Variants in RAD52 observed in about 807,000 individuals in gnomAD.
RAD52 encodes the protein RAD52 DNA repair protein, also known as DNA repair protein RAD52 homolog.
Under a neutral mutation model 55.5 loss-of-function variants are expected in RAD52, and 47 were observed. The ratio of observed to expected loss-of-function variants is 0.85; its 90% CI spans 0.67 to 1.08. The LOEUF is 1.08. Among genes scored for constraint, RAD52 ranks in the 50% least tolerant of loss-of-function variants. The probability of loss-of-function intolerance (pLI) is 0.00; values close to 1 mark genes in which losing one functional copy is unlikely to be tolerated. For missense variants in RAD52, 468 were observed against 522.8 expected, an observed-to-expected ratio of 0.90 and a Z score of 1.02; for synonymous variants, 184 against 198.9, an observed-to-expected ratio of 0.92 and a Z score of 0.63.
intron 1 of RAD52, among the ~76,000 whole-genome samples, chr12:978,901 G>T (rs1285693618): frequency 1.3e-5 from 2 of 151,518 alleles, no homozygotes; most frequent in Non-Finnish European, 2.9e-5. Context: ...TAGATAGATA[G>T]ATAGATAGAT....
intron 1 of RAD52, among the ~76,000 whole-genome samples, chr12:935,121 A>G (rs1173380844): frequency 6.6e-6 from 1 of 151,160 alleles, no homozygotes; most frequent in Non-Finnish European, 1.5e-5. Context: ...TCTCAAAAAT[A>G]ATAATAATAA....
intron 9 of RAD52, among the ~76,000 whole-genome samples, chr12:915,027 G>A (rs1044600269): frequency 6.6e-6 from 1 of 152,194 alleles, no homozygotes. Flanking sequence ...CAGCCACTCA[G>A]GAGGCTGAGG....
In RAD52 at chr12:913,306, A is replaced by T; in HGVS notation, c.*85T>A. On this transcript the variant is annotated 3_prime_UTR_variant, in exon 12 of 12. Coordinates refer to ENST00000358495, the MANE Select transcript of RAD52 (RefSeq NM_134424.4). ...TAAATCGCAATGACGTTCATTCTCC[A>T]GCAGCGATGAACAATTTCATGACCA... 1 of 995,776 alleles carries T rather than the reference A, an allele frequency of 1.0e-6. No individual in the cohort carries two copies. The highest frequency in any genetic ancestry group is 1.6e-6 in the Non-Finnish European group (1 of 643,696). The allele number at this position is 995,776 out of a possible 1,614,324, so 61.7% of individuals were successfully genotyped here.
Position 920,216 on chromosome 12 carries a change from C to CA in RAD52, c.544-3397dup, listed in dbSNP as rs780558984. Among the ~76,000 whole-genome samples, 382 of 68,744 alleles carry CA rather than the reference C, an allele frequency of 5.6e-3. 53 individuals are homozygous for CA. The highest frequency in any genetic ancestry group is 7.1e-3 in the Non-Finnish European group (243 of 34,182). The allele number at this position is 68,744 out of a possible 152,430, so 45.1% of individuals were successfully genotyped here. A position where few individuals can be genotyped will look rare whatever the true frequency, so the allele number is the denominator to read the frequency against. ...TGGGCGGCAGAGCAAGACTCCGTCT[C>CA]AAAAAAAAAAAAAAAATTGTTATAG... On this transcript the variant is annotated intron_variant, in intron 7 of 11. Coordinates refer to ENST00000358495, the MANE Select transcript of RAD52 (RefSeq NM_134424.4).
chr12:940,854 C>T (rs754288252), intron 1 of RAD52, among the ~76,000 whole-genome samples: 30 of 149,920 alleles, frequency 2.0e-4, no homozygotes, highest in Admixed American at 1.1e-3. Context: ...ATGCAAACTT[C>T]GAGAAAAAAA....
chr12:979,314 G>C (rs1012540079), intron 1 of RAD52, among the ~76,000 whole-genome samples: 1 of 151,928 alleles, frequency 6.6e-6, no homozygotes, highest in Non-Finnish European at 1.5e-5. Context: ...GGTGATACAC[G>C]CCTCTAATCC....
chr12:936,333 T>A (rs1189629490), intron 1 of RAD52, among the ~76,000 whole-genome samples: 2 of 151,784 alleles, frequency 1.3e-5, no homozygotes, highest in Non-Finnish European at 2.9e-5. Context: ...ACAAAAAAAA[T>A]TCAGTCTTTT....
intron 7 of RAD52, among the ~76,000 whole-genome samples, chr12:924,141 G>A (rs1043353558): frequency 6.6e-6 from 1 of 152,012 alleles, no homozygotes; most frequent in Non-Finnish European, 1.5e-5. Flanking sequence ...CGGGCGCGGG[G>A]GCTCACGCCT....
Position 912,752 on chromosome 12 carries a change from A to AAAAAAAAG in RAD52, c.*638_*639insCTTTTTTT. 5.8e-6 allele frequency: 1 copy of AAAAAAAAG among 171,326 alleles called. No individual in the cohort carries two copies. The highest frequency in any genetic ancestry group is 1.2e-5 in the Non-Finnish European group (1 of 80,570). 10.6% of individuals were successfully genotyped at this position (171,326 alleles called of 1,614,324 possible). A position where few individuals can be genotyped will look rare whatever the true frequency, so the allele number is the denominator to read the frequency against. On this transcript the variant is annotated 3_prime_UTR_variant, in exon 12 of 12. Transcript: ENST00000358495. ...AAAAAAAAAAAAAAAAAAACAAAAA[A>AAAAAAAAG]CAGCCTTTTTTCGTGGTCTTAGATG... is the stretch of plus-strand genomic sequence containing the variant.
At chr12:960,927 T>G (rs1170037957) in intron 1 of RAD52, among the ~76,000 whole-genome samples, 1 of 150,504 alleles carries the variant, frequency 6.6e-6, no homozygotes, top group African/African-American at 2.5e-5. Context: ...GCCATGGGAG[T>G]AGGTAAGAGT....
rs570536874 is a variant in RAD52, at chr12:913,588, G to C, written c.1196-136C>G. 5 of 804,168 alleles carry C rather than the reference G, an allele frequency of 6.2e-6. No homozygotes were observed. In the South Asian group the frequency reaches 8.3e-5, roughly 13 times the overall value. 49.8% of individuals were successfully genotyped at this position (804,168 alleles called of 1,614,324 possible). A position where few individuals can be genotyped will look rare whatever the true frequency, so the allele number is the denominator to read the frequency against. On this transcript the variant is annotated intron_variant, in intron 11 of 11. Coordinates refer to ENST00000358495, the MANE Select transcript of RAD52 (RefSeq NM_134424.4). ...GAGAATTACTGTTAGGAGGAAGGCA[G>C]ATGATTCTCCTAGACCAAGTGGCCT...
upstream of RAD52, among the ~76,000 whole-genome samples, chr12:953,197 C>T (rs931285355): frequency 2.0e-5 from 3 of 149,892 alleles, no homozygotes; most frequent in African/African-American, 4.9e-5. Flanking sequence ...CTCAGCTACT[C>T]GGGAGGCTGA....
Position 914,545 on chromosome 12 carries a change from G to T in RAD52, c.866-13C>A, listed in dbSNP as rs1478595110. 1.2e-6 allele frequency: 2 copies of T among 1,612,626 alleles called. No individual in the cohort carries two copies. The highest frequency in any genetic ancestry group is 1.3e-5 in the African/African-American group (1 of 74,880). On this transcript the variant is annotated splice_polypyrimidine_tract_variant and intron_variant, in intron 9 of 11. Coordinates refer to ENST00000358495, the MANE Select transcript of RAD52 (RefSeq NM_134424.4). ...GCCGGAGGCGCTGCTACGGTTCACA[G>T]AGGAGAGAAAGGACAAGTCATCATC...
chr12:927,268 G>A lies in RAD52; in HGVS notation c.349-5C>T. The stretch of plus-strand genomic sequence containing the variant: ...ATCTTCATGATATGAACCATCCTGG[G>A]GGCAGAAAAGGAGTTTGAACTCAAA... On this transcript the variant is annotated splice_region_variant and splice_polypyrimidine_tract_variant and intron_variant, in intron 5 of 11. Transcript: ENST00000358495. The A allele has an allele frequency of 1.2e-6, 2 of 1,604,242 alleles. No individual in the cohort carries two copies. Among genetic ancestry groups the A allele is most frequent in the Non-Finnish European group, 1.7e-6 (2 of 1,171,160 alleles).
intron 1 of RAD52, chr12:975,201 T>TGG (rs1401418531): frequency 3.9e-5 from 1 of 25,504 alleles, no homozygotes; most frequent in Non-Finnish European, 1.6e-4. Context: ...AATCATCCAC[T>TGG]GGGAGGGGGG....
intron 1 of RAD52, among the ~76,000 whole-genome samples, chr12:944,705 G>GGTAA (rs1958110614): frequency 6.7e-6 from 1 of 149,962 alleles, no homozygotes; most frequent in Non-Finnish European, 1.5e-5. Flanking sequence ...ATATTAAAAA[G>GGTAA]GTAAAGACTG....
At chr12:990,964 T>TGC (rs1959181527), upstream of RAD52, 1 of 151,882 alleles carries the variant, frequency 6.6e-6, no homozygotes. Flanking sequence ...TGTGTGTGTG[T>TGC]GTGCAGGGAC....
intron 7 of RAD52, among the ~76,000 whole-genome samples, chr12:921,876 C>T (rs1403773945): frequency 4.6e-5 from 7 of 151,998 alleles, no homozygotes; most frequent in African/African-American, 9.7e-5. Flanking sequence ...GAGGCCAAGG[C>T]GGGCGGATCA....
At chr12:969,960 T>G (rs534113265) in intron 1 of RAD52, among the ~76,000 whole-genome samples, 25 of 152,104 alleles carry the variant, frequency 1.6e-4, no homozygotes, top group African/African-American at 5.3e-4. Flanking sequence ...TGACAGACTT[T>G]GCGTCAGTGT....
Sources: gnomAD v4.1 joint callset for allele counts (sites outside exome capture counted in the v4.1 genomes callset) on GRCh38, gnomAD v4.1.1 for gene constraint, MANE v1.5 for transcripts, NCBI Gene and HGNC (gene_info 2026-07-23, HGNC 2026-07-21) for gene names.